XKR9: variants seen among roughly 807,000 people sequenced by gnomAD.
XKR9 encodes the protein XK related 9, also known as XK-related protein 9.
Under a neutral mutation model 32.0 loss-of-function variants are expected in XKR9, and 32 were observed. The observed-to-expected ratio is 1.00, with a 90% CI of 0.76 to 1.34. The LOEUF (loss-of-function observed/expected upper bound fraction) is 1.34, where lower values mean the gene tolerates loss of function less well. XKR9 is among the 40% of genes most tolerant of loss of function. XKR9 has a pLI of 0.00. For synonymous variants in XKR9, 168 were observed against 143.4 expected (o/e 1.17, Z -1.22); for missense variants, 546 against 429.7 (o/e 1.27, Z -2.39).
chr8:70,931,841 T>C, the XKR9 span, among the ~76,000 whole-genome samples: 17 of 152,292 alleles, frequency 1.1e-4, no homozygotes, highest in Non-Finnish European at 2.5e-4. Flanking sequence ...CACAAATTAC[T>C]AAGGGAATAG....
At chr8:70,800,042 C>T in the XKR9 span, among the ~76,000 whole-genome samples, 1 of 152,096 alleles carries the variant, frequency 6.6e-6, no homozygotes, top group Non-Finnish European at 1.5e-5. Flanking sequence ...TCCCTCAATA[C>T]CTAATTTATT....
At chr8:71,055,873 T>C in the XKR9 span, among the ~76,000 whole-genome samples, 1 of 152,238 alleles carries the variant, frequency 6.6e-6, no homozygotes, top group African/African-American at 2.4e-5. Context: ...ATAATTTTCA[T>C]AGTAGAGTAT....
chr8:70,973,112 G>A, the XKR9 span, among the ~76,000 whole-genome samples: 2 of 151,834 alleles, frequency 1.3e-5, no homozygotes, highest in South Asian at 4.1e-4. Context: ...TTTGTTGTTG[G>A]TATTTTTTTA....
chr8:70,777,488 G>A (rs934217233), intron 2 of XKR9, among the ~76,000 whole-genome samples: 5 of 152,060 alleles, frequency 3.3e-5, no homozygotes, highest in Non-Finnish European at 5.9e-5. Context: ...GGGATTGCTG[G>A]GTCAAATGGT....
At chr8:70,700,626 G>A (rs535215939) in intron 3 of XKR9, among the ~76,000 whole-genome samples, 1 of 152,178 alleles carries the variant, frequency 6.6e-6, no homozygotes, top group Non-Finnish European at 1.5e-5. Context: ...CTGCTCGGGG[G>A]TCAGGGGTCA....
At chr8:70,873,744 G>A in the XKR9 span, among the ~76,000 whole-genome samples, 16 of 152,296 alleles carry the variant, frequency 1.1e-4, no homozygotes, top group South Asian at 2.1e-4. Context: ...AAAGGATTTC[G>A]AATCTTATAT....
At chr8:70,804,602 T>G in the XKR9 span, among the ~76,000 whole-genome samples, 1 of 152,190 alleles carries the variant, frequency 6.6e-6, no homozygotes, top group African/African-American at 2.4e-5. Context: ...AGGTGGTAAG[T>G]GTGCTTTTCA....
the XKR9 span, among the ~76,000 whole-genome samples, chr8:70,797,301 C>T: frequency 6.6e-6 from 1 of 152,144 alleles, no homozygotes; most frequent in Non-Finnish European, 1.5e-5. Flanking sequence ...AGGACAGGCA[C>T]ATGAACAAGA....
At chr8:70,812,949 T>G in the XKR9 span, among the ~76,000 whole-genome samples, 8 of 152,158 alleles carry the variant, frequency 5.3e-5, no homozygotes, top group East Asian at 3.9e-4. Context: ...CTACTTTAAA[T>G]TTCATATGGA....
intron 4 of XKR9, among the ~76,000 whole-genome samples, chr8:70,718,217 C>T (rs1806155575): frequency 6.6e-6 from 1 of 152,172 alleles, no homozygotes; most frequent in Admixed American, 6.6e-5. Flanking sequence ...GTTCCAACCT[C>T]AGCCTGTTAC....
chr8:71,027,584 C>T, the XKR9 span, among the ~76,000 whole-genome samples: 3 of 151,644 alleles, frequency 2.0e-5, no homozygotes, highest in Admixed American at 2.0e-4. Flanking sequence ...ATTTGGAGTT[C>T]CTCAAGATAG....
chr8:70,685,749 G>A lies in XKR9; in HGVS notation c.272+4419G>A, dbSNP rs1374328065. ...GGGACTGTTGTGGGGTGGGGGGAGG[G>A]GGGAGGGATAGCATTAGGAGATATA... On this transcript the variant is annotated intron_variant, in intron 3 of 4. Transcript: ENST00000408926. Among the ~76,000 whole-genome samples the A allele has an allele frequency of 1.7e-4, 15 of 88,418 alleles. 1 individual carries two copies. Among genetic ancestry groups the A allele is most frequent in the Admixed American group, 8.6e-4 (6 of 6,998 alleles). The allele number at this position is 88,418 out of a possible 152,430, so 58.0% of individuals were successfully genotyped here.
chr8:70,769,850 C>G (rs1404678262), intron 2 of XKR9, among the ~76,000 whole-genome samples: 2 of 151,976 alleles, frequency 1.3e-5, no homozygotes, highest in East Asian at 1.9e-4. Flanking sequence ...AACCTTTTAT[C>G]AAGGTTCTTA....
chr8:71,006,621 C>T, the XKR9 span, among the ~76,000 whole-genome samples: 1 of 152,184 alleles, frequency 6.6e-6, no homozygotes, highest in Non-Finnish European at 1.5e-5. Context: ...AGACTTTGCA[C>T]ATTAATCAAC....
chr8:70,723,310 A>G (rs753812868), intron 4 of XKR9, among the ~76,000 whole-genome samples: 1 of 152,118 alleles, frequency 6.6e-6, no homozygotes, highest in Non-Finnish European at 1.5e-5. Context: ...CAATTCGTCA[A>G]ACTCATTCTC....
the XKR9 span, among the ~76,000 whole-genome samples, chr8:70,935,978 T>C: frequency 6.6e-6 from 1 of 152,048 alleles, no homozygotes; most frequent in Non-Finnish European, 1.5e-5. Context: ...TTGAGCTTTT[T>C]CACTAGTATT....
At chr8:70,994,666 A>AT in the XKR9 span, among the ~76,000 whole-genome samples, 1 of 146,524 alleles carries the variant, frequency 6.8e-6, no homozygotes, top group Non-Finnish European at 1.5e-5. Context: ...TACTCCAAAT[A>AT]TTTTTTCCAT....
chr8:70,954,380 C>T, the XKR9 span, among the ~76,000 whole-genome samples: 2 of 152,180 alleles, frequency 1.3e-5, no homozygotes, highest in Admixed American at 6.5e-5. Context: ...CACAAAGTCA[C>T]CACGTAGGTG....
At chr8:70,673,696 C>T (rs923356534) in intron 1 of XKR9, among the ~76,000 whole-genome samples, 17 of 151,300 alleles carry the variant, frequency 1.1e-4, no homozygotes, top group Admixed American at 1.3e-4. Flanking sequence ...ACCCAGGAGG[C>T]GGAGGTTGCA....
Sources: allele counts gnomAD v4.1 joint callset (sites outside exome capture counted in the v4.1 genomes callset), GRCh38; gene constraint gnomAD v4.1.1; transcripts MANE v1.5; gene names NCBI Gene and HGNC (gene_info 2026-07-23, HGNC 2026-07-21).